BMP7: variants seen among roughly 807,000 people sequenced by gnomAD.
The protein encoded by BMP7 is osteogenic protein 1.
In BMP7, 12 loss-of-function variants were observed where a neutral mutation model predicts 41.2. The observed-to-expected ratio is 0.29, with a 90% CI of 0.19 to 0.47. The LOEUF (loss-of-function observed/expected upper bound fraction) is 0.47. Ranked by LOEUF, BMP7 falls within the 20% of genes least tolerant of loss-of-function variation. The pLI, the probability that BMP7 is intolerant of heterozygous loss-of-function variation, is 0.99. For missense variants in BMP7, 467 were observed against 606.0 expected (o/e 0.77, Z 2.41); for synonymous variants, 248 against 250.0 (o/e 0.99, Z 0.07).
chr20:57,228,478 ACT>A lies in BMP7; in HGVS notation c.419-59_419-58del, dbSNP rs2123117647. 2.5e-6 allele frequency: 4 copies of A among 1,589,384 alleles called. No individual in the cohort carries two copies. The South Asian group carries it at 4.4e-5, about 18-fold the overall frequency. On this transcript the variant is annotated intron_variant, in intron 1 of 6. Transcript: ENST00000395863. This position sits in a 1 kb window ranked among gnomAD's most constrained non-coding sequence, Gnocchi z 4.5. ...GACAGCTCATTAGTGTCTGGGTTTC[ACT>A]CTCTGGCTCTGAGTCCAAGCATCTT...
intron 2 of BMP7, among the ~76,000 whole-genome samples, chr20:57,219,031 G>A (rs957956995): frequency 2.0e-5 from 3 of 151,582 alleles, no homozygotes; most frequent in Admixed American, 6.6e-5. Flanking sequence ...TTGTTTGGTG[G>A]TAGCTGGCGT....
intron 4 of BMP7, among the ~76,000 whole-genome samples, chr20:57,182,558 C>T (rs1483422294): frequency 2.0e-5 from 3 of 152,336 alleles, no homozygotes; most frequent in Non-Finnish European, 4.4e-5. Context: ...CGGCAATGCC[C>T]AACAGGGAAG....
At chr20:57,253,362 A>G (rs1459439671) in intron 1 of BMP7, among the ~76,000 whole-genome samples, 1 of 152,192 alleles carries the variant, frequency 6.6e-6, no homozygotes, top group Admixed American at 6.5e-5. Context: ...GCATTTTACA[A>G]AATTCAGGAC....
At chr20:57,241,807 A>C (rs1256848996) in intron 1 of BMP7, among the ~76,000 whole-genome samples, 1 of 152,184 alleles carries the variant, frequency 6.6e-6, no homozygotes, top group Non-Finnish European at 1.5e-5. Context: ...CAATGTCAAC[A>C]TGTGTGCAGT....
chr20:57,199,190 C>T (rs230193), intron 3 of BMP7, among the ~76,000 whole-genome samples: 79,250 of 152,002 alleles, frequency 0.52, 20,986 homozygotes, highest in South Asian at 0.61. Flanking sequence ...GGATGCACAC[C>T]GCCTCCCACA....
chr20:57,226,082 G>A (rs1001906465), intron 2 of BMP7: 1 of 406,124 alleles, frequency 2.5e-6, no homozygotes, highest in Non-Finnish European at 5.1e-6. Flanking sequence ...GAGGACGCCT[G>A]GAACGCCCAT....
intron 2 of BMP7, among the ~76,000 whole-genome samples, chr20:57,212,750 G>C (rs1984923842): frequency 6.6e-6 from 1 of 152,168 alleles, no homozygotes; most frequent in Admixed American, 6.5e-5. Flanking sequence ...AGCAACCCCA[G>C]CCTGCAGGGA....
intron 2 of BMP7, among the ~76,000 whole-genome samples, chr20:57,221,071 T>C (rs1985178706): frequency 6.6e-6 from 1 of 152,194 alleles, no homozygotes; most frequent in Non-Finnish European, 1.5e-5. Context: ...GCACCTACTA[T>C]GTGCCAGGCT....
intron 1 of BMP7, among the ~76,000 whole-genome samples, chr20:57,252,899 A>G (rs1485696208): frequency 6.6e-6 from 1 of 152,196 alleles, no homozygotes; most frequent in Non-Finnish European, 1.5e-5. Flanking sequence ...CTGGAGATAC[A>G]CTTGGTTGTC....
intron 6 of BMP7, chr20:57,172,998 G>A (rs953635386): frequency 1.4e-5 from 9 of 640,528 alleles, no homozygotes; most frequent in East Asian, 5.5e-5. Context: ...CTCCAGGGTC[G>A]AAGATTATAC....
At chr20:57,209,249 T>TATATATATATATATATA (rs1555814048) in intron 2 of BMP7, among the ~76,000 whole-genome samples, 18 of 94,866 alleles carry the variant, frequency 1.9e-4, no homozygotes, top group Non-Finnish European at 3.2e-4. Context: ...TTATATATTT[T>TATATATATATATATATA]TATATATATA....
intron 3 of BMP7, among the ~76,000 whole-genome samples, chr20:57,190,164 G>T (rs1439453855): frequency 2.0e-5 from 3 of 151,916 alleles, no homozygotes; most frequent in African/African-American, 7.3e-5. Context: ...AAGCTGGAGA[G>T]AGTGAGCCAG....
chr20:57,247,531 A>C (rs2066095012), intron 1 of BMP7, among the ~76,000 whole-genome samples: 2 of 152,162 alleles, frequency 1.3e-5, no homozygotes, highest in Admixed American at 6.5e-5. Flanking sequence ...TCCTCCAACC[A>C]ACGGGCTTAA....
chr20:57,170,795 AAG>A lies in BMP7; in HGVS notation c.*162_*163del. ...ATGCTGCCACTGAAAAACTGATCAA[AAG>A]CCATATGCTGCTCATGTTTCCTAAT... On this transcript the variant is annotated 3_prime_UTR_variant, in exon 7 of 7. Coordinates refer to ENST00000395863, the MANE Select transcript of BMP7 (RefSeq NM_001719.3). 2.2e-6 allele frequency: 2 copies of A among 899,978 alleles called. No individual in the cohort carries two copies. The highest frequency in any genetic ancestry group is 1.7e-6 in the Non-Finnish European group (1 of 579,800). The allele number at this position is 899,978 out of a possible 1,614,324, so 55.7% of individuals were successfully genotyped here.
chr20:57,214,572 G>C lies in BMP7; in HGVS notation c.612-11949C>G, dbSNP rs540705019. On this transcript the variant is annotated intron_variant, in intron 2 of 6. Coordinates refer to ENST00000395863, the MANE Select transcript of BMP7 (RefSeq NM_001719.3). The surrounding 1 kb of genome is among the most constrained non-coding windows in gnomAD (Gnocchi z 4.0). ...CCCTCCTCATCTGTGCCAGTCTCCA[G>C]CCCACCACAGCCCCTCACACATGCT... is the stretch of plus-strand genomic sequence containing the variant. Among the ~76,000 whole-genome samples, 15 of 151,744 alleles carry C rather than the reference G, an allele frequency of 9.9e-5. No individual in the cohort carries two copies. Among genetic ancestry groups the C allele is most frequent in the Non-Finnish European group, 7.4e-5 (5 of 67,906 alleles).
chr20:57,214,537 T>G lies in BMP7; in HGVS notation c.612-11914A>C, dbSNP rs572071004. Among the ~76,000 whole-genome samples, 17 of 152,078 alleles carry G rather than the reference T, an allele frequency of 1.1e-4. No homozygotes were observed. In the South Asian group the frequency reaches 3.1e-3, roughly 28 times the overall value. On this transcript the variant is annotated intron_variant, in intron 2 of 6. Transcript: ENST00000395863. This position sits in a 1 kb window ranked among gnomAD's most constrained non-coding sequence, Gnocchi z 4.0. ...TCCGGCCCCTGTCTCCACAGCCTCC[T>G]CCCACCCAGCCCTCCTCATCTGTGC...
chr20:57,222,199 G>A (rs1303091757), intron 2 of BMP7, among the ~76,000 whole-genome samples: 8 of 152,158 alleles, frequency 5.3e-5, no homozygotes, highest in African/African-American at 1.2e-4. Flanking sequence ...CTCAGCAAAC[G>A]GAATCTGTTG....
chr20:57,249,375 G>C (rs968225509), intron 1 of BMP7, among the ~76,000 whole-genome samples: 31 of 152,058 alleles, frequency 2.0e-4, no homozygotes, highest in African/African-American at 7.2e-4. Context: ...GCAGTGATCT[G>C]CTGCAACACT....
chr20:57,198,054 C>G (rs1371593202), intron 3 of BMP7, among the ~76,000 whole-genome samples: 1 of 146,724 alleles, frequency 6.8e-6, no homozygotes, highest in African/African-American at 2.4e-5. Flanking sequence ...TGCCTTGCCT[C>G]TCCTCTCCTC....
Sources: allele counts gnomAD v4.1 joint callset (sites outside exome capture counted in the v4.1 genomes callset), GRCh38; gene constraint gnomAD v4.1.1; non-coding constraint Gnocchi (gnomAD v3.1); transcripts MANE v1.5; gene names NCBI Gene and HGNC (gene_info 2026-07-23, HGNC 2026-07-21).